Variants in HUWE1 observed in about 807,000 individuals in gnomAD.
The protein encoded by HUWE1 is HECT, UBA and WWE domain containing E3 ubiquitin protein ligase 1.
In HUWE1, 18 loss-of-function variants were observed where a neutral mutation model predicts 299.4. The observed-to-expected ratio is 0.06, with a 90% CI of 0.04 to 0.09. HUWE1 has a LOEUF of 0.09. Among genes scored for constraint, HUWE1 ranks in the 10% least tolerant of loss-of-function variants. HUWE1 has a pLI of 1.00. For synonymous variants in HUWE1, 1,317 were observed against 1,286.1 expected, an observed-to-expected ratio of 1.02 and a Z score of -0.51; for missense variants, 1,832 against 3,462.3, an observed-to-expected ratio of 0.53 and a Z score of 11.82.
At chrX:53,645,591 T>C (rs2067920989) in intron 6 of HUWE1, 128 bp from the exon 7 acceptor site, 1 of 666,302 alleles carries the variant, frequency 1.5e-6, no homozygotes, top group Non-Finnish European at 2.3e-6. Context: ...AAAAAATATA[T>C]AAGTATTTGT....
At chrX:53,537,220 G>C (rs1468535328) in intron 78 of HUWE1, 1 of 294,023 alleles carries the variant, frequency 3.4e-6, no homozygotes, top group Non-Finnish European at 6.1e-6. Flanking sequence ...CCAGTGAGCA[G>C]TTACCAGTTT....
At chrX:53,549,997 C>T (rs1556927222) in intron 66 of HUWE1, among the ~76,000 whole-genome samples, 2 of 110,651 alleles carry the variant, frequency 1.8e-5, no homozygotes, top group Non-Finnish European at 3.8e-5. Flanking sequence ...AGTGATCCAC[C>T]TGCCTCAGCC....
chrX:53,613,803 T>A (rs1269805342), intron 23 of HUWE1, among the ~76,000 whole-genome samples: 2 of 111,782 alleles, frequency 1.8e-5, no homozygotes, highest in African/African-American at 6.5e-5. Context: ...CTTAAGGACT[T>A]CTTAGGAGAC....
intron 65 of HUWE1, 39 bp from the exon 66 acceptor site, chrX:53,550,807 G>A (rs1556928053): frequency 8.4e-7 from 1 of 1,189,402 alleles, no homozygotes; most frequent in Non-Finnish European, 1.1e-6. Context: ...TTGTGGAGAG[G>A]GTGTAAACTG....
chrX:53,624,258 T>C (rs1009596136), intron 19 of HUWE1, among the ~76,000 whole-genome samples: 4 of 111,402 alleles, frequency 3.6e-5, no homozygotes, highest in Non-Finnish European at 7.6e-5. Flanking sequence ...GTGCTGGGAT[T>C]ACAGGCAGGA....
Position 53,552,337 on chromosome X carries a change from C to G in HUWE1, c.8855G>C (p.Ser2952Thr). 8.3e-7 allele frequency: 1 copy of G among 1,211,444 alleles called. No homozygotes were observed. ...GILEEPLPSTSSEEEDPLAGI... is the reference protein window; with the variant it reads ...GILEEPLPSTTSEEEDPLAGI... ...CGCAAGGGGATCTTCTTCTTCACTG[C>G]TTGTTGAAGGCAACGGCTCTTCTAG... Residue 2952 changes from serine to threonine, a missense_variant, in exon 63 of 84, where the codon AGC becomes ACC. Physicochemically the swap from Ser to Thr is moderately conservative, Grantham distance 58. Transcript: ENST00000262854.
intron 43 of HUWE1, among the ~76,000 whole-genome samples, chrX:53,580,366 G>C (rs1556965936): frequency 1.8e-5 from 2 of 112,099 alleles, no homozygotes; most frequent in East Asian, 5.6e-4. Context: ...TATTTTTGAA[G>C]AGTCTAGGCC....
chrX:53,663,698 A>T (rs2069121788), intron 3 of HUWE1, among the ~76,000 whole-genome samples: 1 of 111,121 alleles, frequency 9.0e-6, no homozygotes, highest in Non-Finnish European at 1.9e-5. Flanking sequence ...TTTAGCCTCT[A>T]TTTCACTGTA....
chrX:53,554,686 G>A lies in HUWE1; in HGVS notation c.8441C>T (p.Pro2814Leu). The A allele has an allele frequency of 8.3e-7, 1 of 1,210,899 alleles. No homozygotes were observed. The highest frequency in any genetic ancestry group is 1.1e-6 in the Non-Finnish European group (1 of 895,116). ...VEPEELGPTR[P>L]SGEAETTQME... ...CTGAGTTGTTTCTGCTTCCCCACTT[G>A]GCCTTGTGGGACCCAATTCCTCTGG... Residue 2814 changes from proline (P) to leucine (L), a missense_variant, in exon 61 of 84, where the codon CCA (proline) becomes CTA (leucine). Around this residue, in one of 15 missense-constraint regions of HUWE1, gnomAD observed 143 missense variants for 148.1 expected, o/e 0.97. Coordinates refer to ENST00000262854, the MANE Select transcript of HUWE1 (RefSeq NM_031407.7).
At chrX:53,537,846 T>G in intron 77 of HUWE1, 150 bp from the exon 78 acceptor site, 1 of 593,077 alleles carries the variant, frequency 1.7e-6, no homozygotes, top group East Asian at 3.6e-5. Context: ...TGCCCAGTAG[T>G]TGGGAGAGGT....
At chrX:53,619,590 G>GAAAAAAAAAAAAAAAAAAAAAGAAA (rs2066009823) in intron 19 of HUWE1, among the ~76,000 whole-genome samples, 1 of 41,164 alleles carries the variant, frequency 2.4e-5, no homozygotes, top group Non-Finnish European at 4.6e-5. Context: ...AGAAATAGAA[G>GAAAAAAAAAAAAAAAAAAAAAGAAA]AAAAAAAAAA....
chrX:53,547,805 G>A lies in HUWE1; in HGVS notation c.10504C>T (p.Pro3502Ser), dbSNP rs1233360706. The A allele has an allele frequency of 2.5e-6, 3 of 1,200,143 alleles. No homozygotes were observed. Among genetic ancestry groups the A allele is most frequent in the East Asian group, 3.0e-5 (1 of 33,416 alleles). The change falls in exon 68 of 84, where the codon CCC (proline) becomes TCC (serine). Residue 3502 changes from proline (P) to serine (S), a missense_variant. Around this residue, in one of 15 missense-constraint regions of HUWE1, gnomAD observed 119 missense variants for 124.6 expected, o/e 0.96. Transcript: ENST00000262854. The part of the protein sequence containing the change: ...TTTTTAASTT[P>S]TPPTAPTPVT... ...GGGGTGGGTGCAGTAGGGGGTGTGG[G>A]CGTGGTGGAGGCGGCAGTGGTGGTG...
At chrX:53,547,506 G>C (rs970449049) in intron 68 of HUWE1, among the ~76,000 whole-genome samples, 167 bp downstream of exon 68, 3 of 111,886 alleles carry the variant, frequency 2.7e-5, no homozygotes, top group Non-Finnish European at 3.8e-5. Flanking sequence ...AAGGGAGACA[G>C]AGTGAGAGAA....
intron 20 of HUWE1, 36 bp from the exon 21 acceptor site, chrX:53,617,183 A>T: frequency 3.4e-6 from 4 of 1,162,943 alleles, no homozygotes; most frequent in Non-Finnish European, 4.7e-6. Flanking sequence ...AATGCATCTA[A>T]AAGAGTGTAG....
At chrX:53,659,431 G>C (rs1569512795) in intron 3 of HUWE1, among the ~76,000 whole-genome samples, 1 of 111,847 alleles carries the variant, frequency 8.9e-6, no homozygotes, top group Non-Finnish European at 1.9e-5. Context: ...GTAAGTGAAA[G>C]AAATCAGTAC....
At chrX:53,624,424 G>T in intron 19 of HUWE1, among the ~76,000 whole-genome samples, 171 bp downstream of exon 19, 1 of 112,163 alleles carries the variant, frequency 8.9e-6, no homozygotes, top group Admixed American at 9.4e-5. Context: ...TTTAACCCGG[G>T]AGGCAGAGGT....
At chrX:53,561,271 C>T (rs2062273970) in intron 55 of HUWE1, among the ~76,000 whole-genome samples, 2 of 111,968 alleles carry the variant, frequency 1.8e-5, no homozygotes, top group South Asian at 3.7e-4. Context: ...GGAAGTTTCA[C>T]GGTGATGGGG....
Position 53,593,404 on chromosome X carries a change from G to A in HUWE1, c.3701C>T (p.Pro1234Leu). Residue 1234 changes from proline (P) to leucine (L), a missense_variant, in exon 32 of 84, where the codon CCC becomes CTC. This residue lies in a region of HUWE1 where 658 missense variants were observed against 1,282.6 expected (regional missense o/e 0.51). Transcript: ENST00000262854. ...AAGGAAGCGCAGTGCACTGAACTGGGGAAAGTTCTGGACACCTCCAGGCAA... is the reference window on the plus strand; with the variant it reads ...AAGGAAGCGCAGTGCACTGAACTGGAGAAAGTTCTGGACACCTCCAGGCAA... Reference protein sequence around the residue: ...AKLPGGVQNFPQFSALRFLVV... With the variant: ...AKLPGGVQNFLQFSALRFLVV... 8.3e-7 allele frequency: 1 copy of A among 1,209,054 alleles called. No homozygotes were observed. The highest frequency in any genetic ancestry group is 1.8e-5 in the South Asian group (1 of 56,908).
chrX:53,680,564 T>TAC (rs1440944022), intron 2 of HUWE1: 1 of 112,923 alleles, frequency 8.9e-6, no homozygotes, highest in Non-Finnish European at 1.9e-5. Context: ...TTCACCTTCA[T>TAC]ACATGCTTTT....
Sources: allele counts gnomAD v4.1 joint callset (sites outside exome capture counted in the v4.1 genomes callset), GRCh38; gene constraint gnomAD v4.1.1; regional missense constraint gnomAD v4.1.1; transcripts MANE v1.5; gene names NCBI Gene and HGNC (gene_info 2026-07-23, HGNC 2026-07-21).